Variants in GCSAML observed in about 807,000 individuals in gnomAD.
GCSAML encodes the protein germinal center-associated signaling and motility-like protein.
Under a neutral mutation model 13.0 loss-of-function variants are expected in GCSAML, and 9 were observed. That is an observed-to-expected ratio of 0.69 (90% confidence interval 0.42 to 1.21). The LOEUF (loss-of-function observed/expected upper bound fraction) is 1.21. GCSAML is among the 50% of genes most tolerant of loss of function. The pLI, the probability that GCSAML is intolerant of heterozygous loss-of-function variation, is 0.00. For missense variants in GCSAML, 143 were observed against 153.4 expected (o/e 0.93, Z 0.36); for synonymous variants, 37 against 52.9 (o/e 0.70, Z 1.31).
chr1:247,536,202 C>G (rs1353187005), intron 2 of GCSAML: 1 of 152,004 alleles, frequency 6.6e-6, no homozygotes, highest in Non-Finnish European at 1.5e-5. Context: ...TCTATTTATG[C>G]AGGGTGGAAA....
At chr1:247,550,552 G>T (rs1420616376) in intron 1 of GCSAML, among the ~76,000 whole-genome samples, 1 of 152,106 alleles carries the variant, frequency 6.6e-6, no homozygotes, top group Non-Finnish European at 1.5e-5. Context: ...CAGGAGAATG[G>T]CGTGAACCCG....
chr1:247,547,985 A>G (rs1041028680), upstream of GCSAML, among the ~76,000 whole-genome samples: 1 of 152,208 alleles, frequency 6.6e-6, no homozygotes, highest in Non-Finnish European at 1.5e-5. Context: ...ATCGATAAAT[A>G]AACAATACAA....
chr1:247,546,983 T>G (rs12040548), upstream of GCSAML, among the ~76,000 whole-genome samples: 56,310 of 150,002 alleles, frequency 0.38, 12,491 homozygotes, highest in African/African-American at 0.62. Context: ...CACACCTGTG[T>G]TCCCAGCTAC....
intron 2 of GCSAML, among the ~76,000 whole-genome samples, chr1:247,534,067 G>A (rs1441041167): frequency 6.6e-6 from 1 of 152,120 alleles, no homozygotes; most frequent in Non-Finnish European, 1.5e-5. Context: ...CCTTCTGACT[G>A]AGGCCCTCCC....
intron 4 of GCSAML, among the ~76,000 whole-genome samples, chr1:247,569,278 T>A (rs1391731341): frequency 6.6e-6 from 1 of 152,210 alleles, no homozygotes; most frequent in African/African-American, 2.4e-5. Flanking sequence ...ATACTTTTCT[T>A]GTGCTGGTTT....
chr1:247,562,879 C>T (rs1668186820), intron 2 of GCSAML, among the ~76,000 whole-genome samples: 1 of 151,698 alleles, frequency 6.6e-6, no homozygotes, highest in Admixed American at 6.6e-5. Flanking sequence ...CTCGCTCTGT[C>T]ACCAGGCTGG....
chr1:247,518,011 C>T (rs10925069), intron 1 of GCSAML, among the ~76,000 whole-genome samples: 114,738 of 152,060 alleles, frequency 0.75, 44,287 homozygotes, highest in East Asian at 0.97. Context: ...CCTCTCCCTC[C>T]CACTGCACAC....
chr1:247,550,090 G>A (rs1022589591), intron 1 of GCSAML, among the ~76,000 whole-genome samples: 1 of 152,188 alleles, frequency 6.6e-6, no homozygotes, highest in African/African-American at 2.4e-5. Flanking sequence ...AGCAAGTCTT[G>A]TTCTGTCTGT....
upstream of GCSAML, among the ~76,000 whole-genome samples, chr1:247,546,397 C>G (rs1336178156): frequency 6.6e-6 from 1 of 152,036 alleles, no homozygotes; most frequent in Non-Finnish European, 1.5e-5. Flanking sequence ...CTCGCTCTGT[C>G]ACCCAGGCTG....
chr1:247,520,296 G>A (rs535142403), intron 1 of GCSAML, among the ~76,000 whole-genome samples: 1 of 152,270 alleles, frequency 6.6e-6, no homozygotes, highest in African/African-American at 2.4e-5. Flanking sequence ...TAGACTTTGA[G>A]TAAAGTAGAT....
chr1:247,520,568 C>T (rs762093599), intron 1 of GCSAML, among the ~76,000 whole-genome samples: 1 of 152,064 alleles, frequency 6.6e-6, no homozygotes, highest in African/African-American at 2.4e-5. Context: ...GATTCTGTTT[C>T]TCTGGAGACC....
chr1:247,522,929 A>C lies in GCSAML; in HGVS notation c.-262-4011A>C, dbSNP rs1164900196. Among the ~76,000 whole-genome samples, 11 of 152,142 alleles carry C rather than the reference A, an allele frequency of 7.2e-5. No homozygotes were observed. The East Asian group carries it at 7.7e-4, about 11-fold the overall frequency. On this transcript the variant is annotated intron_variant, in intron 1 of 5. Coordinates refer to the GCSAML transcript ENST00000366489. ...ATCAATAAATACTAAAAAAAAAAAA[A>C]AAAAAACCATAACGTATAACTTTTA...
At chr1:247,521,113 ATTTTTT>A (rs68098651) in intron 1 of GCSAML, among the ~76,000 whole-genome samples, 2 of 136,896 alleles carry the variant, frequency 1.5e-5, no homozygotes, top group East Asian at 2.1e-4. Flanking sequence ...ACATTCTTGC[ATTTTTT>A]TTTTTTTTTT....
chr1:247,528,486 C>A (rs1666777171), intron 2 of GCSAML: 1 of 152,182 alleles, frequency 6.6e-6, no homozygotes, highest in Non-Finnish European at 1.5e-5. Context: ...CATGATCTCA[C>A]CCATATTTCA....
intron 2 of GCSAML, among the ~76,000 whole-genome samples, chr1:247,542,618 C>T (rs1667450275): frequency 6.6e-6 from 1 of 152,318 alleles, no homozygotes. Context: ...TTGCTACATA[C>T]TTCATGAAGG....
intron 4 of GCSAML, 52 bp downstream of exon 4, chr1:247,566,011 G>T (rs1201529870): frequency 7.5e-7 from 1 of 1,334,188 alleles, no homozygotes; most frequent in Non-Finnish European, 1.0e-6. Context: ...CTTTTATTAT[G>T]TTTGTCTGAT....
chr1:247,521,429 G>A (rs1021039333), intron 1 of GCSAML, among the ~76,000 whole-genome samples: 2 of 150,054 alleles, frequency 1.3e-5, no homozygotes, highest in Non-Finnish European at 2.9e-5. Context: ...CTCTGATGCC[G>A]AGCGGAAGCT....
rs766874006 is a variant in GCSAML, at chr1:247,529,815, C to T, written c.-148+2761C>T. 3.4e-5 allele frequency: 5 copies of T among 148,254 alleles called. No homozygotes were observed. The East Asian group carries it at 1.0e-3, about 30-fold the overall frequency. The allele number at this position is 148,254 out of a possible 1,614,324, so 9.2% of individuals were successfully genotyped here. Reference sequence around the variant, plus strand: ...TACCCTTTATAATGTGAGTGGGTCTCATCCCATCAGTTGAAAGCCTTAAGA... The same window carrying T: ...TACCCTTTATAATGTGAGTGGGTCTTATCCCATCAGTTGAAAGCCTTAAGA... On this transcript the variant is annotated intron_variant, in intron 2 of 5. Transcript: ENST00000366489.
At chr1:247,550,888 A>G (rs1013508782) in intron 1 of GCSAML, among the ~76,000 whole-genome samples, 2 of 152,206 alleles carry the variant, frequency 1.3e-5, no homozygotes, top group African/African-American at 4.8e-5. Flanking sequence ...AGGAAAATGG[A>G]TATGGAAGCA....
Sources: gnomAD v4.1 joint callset for allele counts (sites outside exome capture counted in the v4.1 genomes callset) on GRCh38, gnomAD v4.1.1 for gene constraint, MANE v1.5 for transcripts, NCBI Gene and HGNC (gene_info 2026-07-23, HGNC 2026-07-21) for gene names.